ANGPTL5: variants seen among roughly 807,000 people sequenced by gnomAD.
ANGPTL5 encodes the protein angiopoietin like 5.
ANGPTL5 carries 34 observed loss-of-function variants against 39.4 expected under a neutral mutation model. The ratio of observed to expected loss-of-function variants is 0.86; its 90% CI spans 0.66 to 1.15. ANGPTL5 has a LOEUF of 1.15. Ranked by LOEUF, ANGPTL5 falls within the 50% of genes most tolerant of loss-of-function variation. ANGPTL5 has a pLI of 0.00. For synonymous variants in ANGPTL5, 146 were observed against 152.1 expected (o/e 0.96, Z 0.29); for missense variants, 467 against 457.5 (o/e 1.02, Z -0.19).
chr11:101,896,223 C>A (rs1424379074), intron 7 of ANGPTL5, among the ~76,000 whole-genome samples: 1 of 151,376 alleles, frequency 6.6e-6, no homozygotes, highest in Non-Finnish European at 1.5e-5. Flanking sequence ...AACTCTGTCA[C>A]CCAGGCTACG....
At chr11:101,895,162 G>A (rs975384832) in intron 7 of ANGPTL5, 98 bp from the exon 8 acceptor site, 3 of 1,052,214 alleles carry the variant, frequency 2.9e-6, no homozygotes, top group African/African-American at 3.2e-5. Context: ...CAAAAACTCT[G>A]AGATGGCTCA....
At chr11:101,905,543 C>G (rs959066637) in intron 4 of ANGPTL5, among the ~76,000 whole-genome samples, 1 of 152,176 alleles carries the variant, frequency 6.6e-6, no homozygotes, top group Non-Finnish European at 1.5e-5. Context: ...CATTTTAATG[C>G]TCCACTAGAC....
intron 1 of ANGPTL5, chr11:101,915,438 A>G: frequency 6.3e-7 from 1 of 1,587,776 alleles, no homozygotes; most frequent in Non-Finnish European, 8.6e-7. Context: ...TGTGGCTGCC[A>G]GGGTAGCGAT....
At chr11:101,903,651 G>T (rs903249475) in intron 5 of ANGPTL5, among the ~76,000 whole-genome samples, 7 of 152,082 alleles carry the variant, frequency 4.6e-5, no homozygotes, top group African/African-American at 1.7e-4. Context: ...ACATAGATTT[G>T]TTGTTGCCTG....
In ANGPTL5 at chr11:101,891,188, A is replaced by G. The variant is rs1423545061; in HGVS notation, c.*91T>C. 1 of 1,235,782 alleles carries G rather than the reference A, an allele frequency of 8.1e-7. No homozygotes were observed. The highest frequency in any genetic ancestry group is 2.4e-5 in the Admixed American group (1 of 41,856). 76.6% of individuals were successfully genotyped at this position (1,235,782 alleles called of 1,614,324 possible). ...TGCCATCTACAGTTAAATTTTGCCTAATATGTTTGAAACACTAAGTGAAAA... is the reference window on the plus strand; with the variant it reads ...TGCCATCTACAGTTAAATTTTGCCTGATATGTTTGAAACACTAAGTGAAAA... On this transcript the variant is annotated 3_prime_UTR_variant, in exon 9 of 9. Coordinates refer to ENST00000334289, the MANE Select transcript of ANGPTL5 (RefSeq NM_178127.5).
intron 7 of ANGPTL5, among the ~76,000 whole-genome samples, chr11:101,897,560 A>G (rs1452270242): frequency 6.6e-6 from 1 of 152,198 alleles, no homozygotes; most frequent in African/African-American, 2.4e-5. Context: ...ATCCAGTTTC[A>G]GTTTTCCGCA....
At chr11:101,911,477 T>G (rs1298021005) in intron 1 of ANGPTL5, among the ~76,000 whole-genome samples, 1 of 152,108 alleles carries the variant, frequency 6.6e-6, no homozygotes, top group Non-Finnish European at 1.5e-5. Flanking sequence ...AGGTAGGGCC[T>G]GATGGAAGGT....
chr11:101,898,290 T>C (rs966946287), intron 7 of ANGPTL5, among the ~76,000 whole-genome samples: 2 of 152,198 alleles, frequency 1.3e-5, no homozygotes, highest in Non-Finnish European at 2.9e-5. Context: ...TTTATGAGCA[T>C]GGCATGTTTT....
Position 101,904,908 on chromosome 11 carries a change from C to G in ANGPTL5, c.346-1G>C, listed in dbSNP as rs778647181. On this transcript the variant is annotated splice_acceptor_variant, in intron 4 of 8. Transcript: ENST00000334289. LOFTEE classifies it high-confidence loss of function. ...GAACTCTATTCATGAGCTCGTTAAC[C>G]TAAACACATGCATACACATTTAAGT... The G allele has an allele frequency of 9.3e-6, 15 of 1,606,924 alleles. No homozygotes were observed. Among genetic ancestry groups the G allele is most frequent in the Non-Finnish European group, 1.3e-5 (15 of 1,173,924 alleles).
At chr11:101,910,618 C>T (rs1217007428) in intron 1 of ANGPTL5, among the ~76,000 whole-genome samples, 2 of 151,918 alleles carry the variant, frequency 1.3e-5, no homozygotes, top group Non-Finnish European at 2.9e-5. Context: ...CTTATTCCAC[C>T]CCTACCTATT....
Position 101,906,502 on chromosome 11 carries a change from C to T in ANGPTL5, c.241+601G>A, listed in dbSNP as rs528786158. On this transcript the variant is annotated intron_variant, in intron 3 of 8. Transcript: ENST00000334289. Reference sequence around the variant, plus strand: ...TTGAGACCATGTTGCCATGATGTACCGTCATGCTATTTCAGTGTATATTTC... The same window carrying T: ...TTGAGACCATGTTGCCATGATGTACTGTCATGCTATTTCAGTGTATATTTC... 1.2e-3 allele frequency among the ~76,000 whole-genome samples: 184 copies of T among 152,124 alleles called. 2 individuals carry two copies. The Middle Eastern group carries it at 0.02, about 17-fold the overall frequency.
At chr11:101,895,087 T>G (rs1283944659) in intron 7 of ANGPTL5, 23 bp from the exon 8 acceptor site, 8 of 1,437,298 alleles carry the variant, frequency 5.6e-6, no homozygotes, top group Non-Finnish European at 7.7e-6. Flanking sequence ...TGCTTTGTTT[T>G]AATATATTTT....
chr11:101,902,816 T>G, intron 5 of ANGPTL5, 95 bp from the exon 6 acceptor site: 1 of 730,336 alleles, frequency 1.4e-6, no homozygotes, highest in South Asian at 1.9e-5. Flanking sequence ...TTATCATAAT[T>G]TTCATTATTA....
At chr11:101,897,831 T>C (rs1484688725) in intron 7 of ANGPTL5, among the ~76,000 whole-genome samples, 1 of 152,200 alleles carries the variant, frequency 6.6e-6, no homozygotes, top group African/African-American at 2.4e-5. Context: ...TTGTCTTGAC[T>C]ATACAGGCTC....
At chr11:101,907,049 C>A in intron 3 of ANGPTL5, 54 bp downstream of exon 3, 2 of 1,338,890 alleles carry the variant, frequency 1.5e-6, no homozygotes, top group Non-Finnish European at 2.1e-6. Flanking sequence ...CAGTGTCTAC[C>A]CTAAAAATAA....
Position 101,904,906 on chromosome 11 carries a change from A to C in ANGPTL5, c.347T>G (p.Val116Gly), listed in dbSNP as rs532254397. 1.6e-5 allele frequency: 26 copies of C among 1,608,728 alleles called. No homozygotes were observed. The South Asian group carries it at 2.7e-4, about 17-fold the overall frequency. ...GAGAACTCTATTCATGAGCTCGTTAACCTAAACACATGCATACACATTTAA... is the reference window on the plus strand; with the variant it reads ...GAGAACTCTATTCATGAGCTCGTTACCCTAAACACATGCATACACATTTAA... Reference protein sequence around the residue: ...QASLDYLSNQVNELMNRVLLL... With the variant: ...QASLDYLSNQGNELMNRVLLL... Residue 116 changes from valine (V) to glycine (G), a missense_variant and splice_region_variant, in exon 5 of 9, where the codon GTT (valine) becomes GGT (glycine). Transcript: ENST00000334289.
chr11:101,894,923 G>A lies in ANGPTL5; in HGVS notation c.803C>T (p.Thr268Met), dbSNP rs77315074. 0.03 allele frequency: 47,680 copies of A among 1,612,830 alleles called. 802 individuals carry two copies. Among genetic ancestry groups the A allele is most frequent in the Middle Eastern group, 0.049 (296 of 6,054 alleles). Residue 268 changes from threonine (T) to methionine (M), a missense_variant, in exon 8 of 9, where the codon ACG becomes ATG. Thr to Met is a moderately conservative substitution (Grantham distance 81). Transcript: ENST00000334289. ...SYDNFWLEDETRFFKMHLGRY... is the reference protein window; with the variant it reads ...SYDNFWLEDEMRFFKMHLGRY... ...TCCTAAGTGCATTTTAAAAAATCTC[G>A]TTTCATCCTCTAGCCAAAAATTATC...
intron 8 of ANGPTL5, among the ~76,000 whole-genome samples, chr11:101,892,425 T>C (rs938475266): frequency 1.3e-5 from 2 of 152,136 alleles, no homozygotes; most frequent in African/African-American, 4.8e-5. Context: ...GAGATGGGAT[T>C]TCACCATGTT....
At chr11:101,905,695 T>C in intron 4 of ANGPTL5, 49 bp downstream of exon 4, 3 of 1,267,650 alleles carry the variant, frequency 2.4e-6, no homozygotes, top group Non-Finnish European at 3.4e-6. Context: ...CAGCTAACTA[T>C]ACATCAACGT....
Sources: gnomAD v4.1 joint callset for allele counts (sites outside exome capture counted in the v4.1 genomes callset) on GRCh38, gnomAD v4.1.1 for gene constraint, MANE v1.5 for transcripts, NCBI Gene and HGNC (gene_info 2026-07-23, HGNC 2026-07-21) for gene names.